Variants in CNTNAP2 observed in about 807,000 individuals in gnomAD.
The protein encoded by CNTNAP2 is contactin-associated protein-like 2.
In CNTNAP2, 98 loss-of-function variants were observed where a neutral mutation model predicts 155.2. The observed-to-expected ratio is 0.63, with a 90% CI of 0.54 to 0.75. The LOEUF is 0.75. CNTNAP2 is among the 30% of genes least tolerant of loss of function. The pLI, the probability that CNTNAP2 is intolerant of heterozygous loss-of-function variation, is 0.00. For missense variants in CNTNAP2, 1,727 were observed against 1,688.1 expected, an observed-to-expected ratio of 1.02 and a Z score of -0.40; for synonymous variants, 651 against 631.2, an observed-to-expected ratio of 1.03 and a Z score of -0.47.
intron 14 of CNTNAP2, among the ~76,000 whole-genome samples, chr7:147,933,057 GT>G (rs1267942543): frequency 2.4e-3 from 8 of 3,304 alleles, no homozygotes; most frequent in Non-Finnish European, 0.019. Context: ...ATTTGAGGGG[GT>G]TTGTTTGTTT....
chr7:147,679,982 T>A (rs1294424432), intron 13 of CNTNAP2, among the ~76,000 whole-genome samples: 2 of 151,724 alleles, frequency 1.3e-5, no homozygotes, highest in African/African-American at 4.8e-5. Flanking sequence ...TTTTTTTTTT[T>A]AATTCCACTG....
At chr7:147,010,312 G>T (rs1798601459) in intron 3 of CNTNAP2, among the ~76,000 whole-genome samples, 1 of 151,392 alleles carries the variant, frequency 6.6e-6, no homozygotes, top group South Asian at 2.1e-4. Flanking sequence ...TCCTGGCCTA[G>T]ATCTTGGTTC....
At chr7:146,127,108 C>T (rs10500163) in intron 1 of CNTNAP2, among the ~76,000 whole-genome samples, 8,302 of 152,250 alleles carry the variant, frequency 0.055, 252 homozygotes, top group Middle Eastern at 0.11. Flanking sequence ...TATAATCTAA[C>T]CGACCATACT....
rs937222694 is a variant in CNTNAP2 at position 146,307,038 on chromosome 7, A to G, written c.97+190065A>G. ...TTCATTTAGGAAAAGAGGAAGTCAAATTGTCCCTGTTTGCAGATGACATGA... is the reference window on the plus strand; with the variant it reads ...TTCATTTAGGAAAAGAGGAAGTCAAGTTGTCCCTGTTTGCAGATGACATGA... On this transcript the variant is annotated intron_variant, in intron 1 of 23. Coordinates refer to ENST00000361727, the MANE Select transcript of CNTNAP2 (RefSeq NM_014141.6). 1.2e-4 allele frequency among the ~76,000 whole-genome samples: 18 copies of G among 152,148 alleles called. 1 individual carries two copies. Among genetic ancestry groups the G allele is most frequent in the Non-Finnish European group, 2.9e-5 (2 of 68,016 alleles).
intron 21 of CNTNAP2, among the ~76,000 whole-genome samples, chr7:148,274,582 C>CT (rs200695851): frequency 2.0e-5 from 3 of 152,232 alleles, no homozygotes; most frequent in African/African-American, 4.8e-5. Flanking sequence ...TATGTAGCAC[C>CT]TCCCCCCAAC....
intron 14 of CNTNAP2, among the ~76,000 whole-genome samples, chr7:147,939,348 T>TTTTTTCAATTTTA (rs1800673991): frequency 6.6e-6 from 1 of 152,056 alleles, no homozygotes; most frequent in African/African-American, 2.4e-5. Flanking sequence ...TTAATTTTAT[T>TTTTTTCAATTTTA]TTTTTTGAGA....
intron 15 of CNTNAP2, among the ~76,000 whole-genome samples, chr7:148,091,858 G>T (rs10485842): frequency 0.14 from 21,208 of 152,136 alleles, 2,029 homozygotes; most frequent in East Asian, 0.43. Flanking sequence ...CTTGGAAATT[G>T]ATGTATTTAT....
At chr7:146,263,301 G>A (rs1008433835) in intron 1 of CNTNAP2, among the ~76,000 whole-genome samples, 3 of 122,036 alleles carry the variant, frequency 2.5e-5, no homozygotes, top group Non-Finnish European at 4.7e-5. Context: ...AAGGAAGGAC[G>A]GAAGGAAGGA....
At chr7:147,356,455 A>G (rs1300292556) in intron 9 of CNTNAP2, among the ~76,000 whole-genome samples, 1 of 152,148 alleles carries the variant, frequency 6.6e-6, no homozygotes, top group Admixed American at 6.6e-5. Context: ...AGAGAAAGAA[A>G]TAGCAGGTGT....
intron 1 of CNTNAP2, among the ~76,000 whole-genome samples, chr7:146,451,370 C>G (rs1398799842): frequency 3.2e-4 from 48 of 152,166 alleles, no homozygotes; most frequent in Non-Finnish European, 2.9e-5. Flanking sequence ...TTTTCTCTGG[C>G]ATTAACTCAA....
intron 1 of CNTNAP2, among the ~76,000 whole-genome samples, chr7:146,248,359 G>A (rs557138828): frequency 6.6e-6 from 1 of 152,250 alleles, no homozygotes; most frequent in Non-Finnish European, 1.5e-5. Context: ...AGTGGGACTT[G>A]CCGCTAAGGG....
chr7:146,597,192 A>G (rs1798874859), intron 1 of CNTNAP2, among the ~76,000 whole-genome samples: 1 of 151,998 alleles, frequency 6.6e-6, no homozygotes, highest in Non-Finnish European at 1.5e-5. Flanking sequence ...CATCATTATC[A>G]TTATAGTTTG....
At chr7:148,317,939 C>A (rs1797720506) in intron 21 of CNTNAP2, among the ~76,000 whole-genome samples, 1 of 152,092 alleles carries the variant, frequency 6.6e-6, no homozygotes, top group Non-Finnish European at 1.5e-5. Flanking sequence ...ACTCGGCCTC[C>A]CAAAGTGCTG....
chr7:147,436,312 C>A (rs1797546801), intron 10 of CNTNAP2, among the ~76,000 whole-genome samples: 1 of 152,054 alleles, frequency 6.6e-6, no homozygotes, highest in Non-Finnish European at 1.5e-5. Flanking sequence ...TTTTGTCATT[C>A]TTGTTTGGTT....
intron 3 of CNTNAP2, among the ~76,000 whole-genome samples, chr7:146,905,766 A>G (rs543866944): frequency 5.9e-5 from 9 of 152,310 alleles, no homozygotes; most frequent in Non-Finnish European, 1.2e-4. Flanking sequence ...TTAACTTAAT[A>G]CAATAAAATT....
chr7:147,366,124 T>A (rs2116905154), intron 9 of CNTNAP2, among the ~76,000 whole-genome samples: 1 of 152,344 alleles, frequency 6.6e-6, no homozygotes, highest in Admixed American at 6.5e-5. Flanking sequence ...CATAATAGTC[T>A]TAAGGCTATT....
chr7:148,416,104 C>CTAT lies in CNTNAP2; in HGVS notation c.*490_*492dup, dbSNP rs1554432937. On this transcript the variant is annotated 3_prime_UTR_variant, in exon 24 of 24. Coordinates refer to ENST00000361727, the MANE Select transcript of CNTNAP2 (RefSeq NM_014141.6). ...ACAGAAACTAGTTCGTGTTTATATA[C>CTAT]TATTTCCTTTGATGTCCTATAAGTC... 2 of 164,686 alleles carry CTAT rather than the reference C, an allele frequency of 1.2e-5. No homozygotes were observed. The highest frequency in any genetic ancestry group is 5.8e-5 in the Admixed American group (1 of 17,216). The allele number at this position is 164,686 out of a possible 1,614,324, so 10.2% of individuals were successfully genotyped here.
intron 12 of CNTNAP2, among the ~76,000 whole-genome samples, chr7:147,606,253 A>G (rs1801061529): frequency 6.6e-6 from 1 of 152,222 alleles, no homozygotes; most frequent in South Asian, 2.1e-4. Context: ...CACTTACCAT[A>G]AATGAATCAC....
At chr7:147,375,070 C>G (rs559738189) in intron 9 of CNTNAP2, among the ~76,000 whole-genome samples, 1 of 151,912 alleles carries the variant, frequency 6.6e-6, no homozygotes, top group African/African-American at 2.4e-5. Flanking sequence ...CCTTCTTGCT[C>G]TCTCTCACCT....
Sources: allele counts gnomAD v4.1 joint callset (sites outside exome capture counted in the v4.1 genomes callset), GRCh38; gene constraint gnomAD v4.1.1; transcripts MANE v1.5; gene names NCBI Gene and HGNC (gene_info 2026-07-23, HGNC 2026-07-21).